Variants in GTF2F2 observed in about 807,000 individuals in gnomAD.
The protein encoded by GTF2F2 is general transcription factor IIF subunit 2.
A neutral mutation model predicts 42.2 loss-of-function variants in GTF2F2; 23 were observed. The ratio of observed to expected loss-of-function variants is 0.55; its 90% CI spans 0.39 to 0.77. GTF2F2 has a LOEUF of 0.77. GTF2F2 is among the 30% of genes least tolerant of loss of function. The pLI, the probability that GTF2F2 is intolerant of heterozygous loss-of-function variation, is 0.00. For synonymous variants in GTF2F2, 105 were observed against 100.8 expected (o/e 1.04, Z -0.25); for missense variants, 261 against 287.2 (o/e 0.91, Z 0.66).
rs151196378 is a variant in GTF2F2, at chr13:45,161,504, G to A, written c.304+9673G>A. On this transcript the variant is annotated intron_variant, in intron 4 of 7. Coordinates refer to ENST00000340473, the MANE Select transcript of GTF2F2 (RefSeq NM_004128.3). ...AGTGCTTCTTAGGGGAACCTCATGC[G>A]TAACACTGAATTGCATGCCTGTTTC... Among the ~76,000 whole-genome samples the A allele has an allele frequency of 7.2e-5, 11 of 152,230 alleles. No homozygotes were observed. The East Asian group carries it at 9.6e-4, about 13-fold the overall frequency.
chr13:45,232,847 G>C (rs528102064), intron 5 of GTF2F2, among the ~76,000 whole-genome samples: 1 of 152,230 alleles, frequency 6.6e-6, no homozygotes, highest in African/African-American at 2.4e-5. Flanking sequence ...CATAGTGTAA[G>C]TGTGTACTTT....
At position 45,259,647 on chromosome 13, in the gene GTF2F2, C is replaced by CTTT. The variant is rs1172870085; in HGVS notation, c.486+6701_486+6703dup. On this transcript the variant is annotated intron_variant, in intron 6 of 7. Coordinates refer to ENST00000340473, the MANE Select transcript of GTF2F2 (RefSeq NM_004128.3). ...AAACCTCTTTCTCGCAAACCTAGAA[C>CTTT]TTTTTTTTTTTTTTTTTTTTTTTTT... 5.3e-4 allele frequency among the ~76,000 whole-genome samples: 38 copies of CTTT among 72,262 alleles called. 1 individual carries two copies. The East Asian group carries it at 9.3e-3, about 18-fold the overall frequency. 47.4% of individuals were successfully genotyped at this position (72,262 alleles called of 152,430 possible). A position where few individuals can be genotyped will look rare whatever the true frequency, so the allele number is the denominator to read the frequency against.
rs77478483 is a variant in GTF2F2 at position 45,195,059 on chromosome 13, A to G, written c.305-12365A>G. Among the ~76,000 whole-genome samples the G allele has an allele frequency of 3.2e-4, 49 of 152,334 alleles. 1 individual carries two copies. The East Asian group carries it at 9.5e-3, about 29-fold the overall frequency. ...TTTAAAGTAAATTTAAGTAGGAAAC[A>G]TAAGGTGAAAATTCTAGGTGTATAC... On this transcript the variant is annotated intron_variant, in intron 4 of 7. Transcript: ENST00000340473.
chr13:45,198,964 C>G (rs1162753352), intron 4 of GTF2F2, among the ~76,000 whole-genome samples: 4 of 152,132 alleles, frequency 2.6e-5, no homozygotes, highest in African/African-American at 9.7e-5. Context: ...TTTTGAGTGT[C>G]CAAATTTTAG....
intron 1 of GTF2F2, among the ~76,000 whole-genome samples, chr13:45,121,052 G>A (rs566749464): frequency 9.9e-5 from 15 of 152,264 alleles, no homozygotes; most frequent in Admixed American, 3.3e-4. Flanking sequence ...TCTTCCCTTG[G>A]TGAAACTGGT....
chr13:45,181,202 A>ACAC (rs1872151996), intron 4 of GTF2F2, among the ~76,000 whole-genome samples: 1 of 141,892 alleles, frequency 7.0e-6, no homozygotes, highest in Non-Finnish European at 1.5e-5. Context: ...AAAAAAAAAA[A>ACAC]ACCAGAAAAA....
chr13:45,246,229 T>C (rs1374353722), intron 5 of GTF2F2, among the ~76,000 whole-genome samples: 1 of 151,898 alleles, frequency 6.6e-6, no homozygotes, highest in South Asian at 2.1e-4. Context: ...TCCAGGATGG[T>C]CTCGATCTCC....
chr13:45,235,446 T>A (rs554094052), intron 5 of GTF2F2, among the ~76,000 whole-genome samples: 1 of 152,116 alleles, frequency 6.6e-6, no homozygotes, highest in East Asian at 1.9e-4. Context: ...TCTGACTTCT[T>A]AAGGACATAT....
intron 5 of GTF2F2, among the ~76,000 whole-genome samples, chr13:45,216,912 C>T (rs1480846261): frequency 1.3e-5 from 2 of 152,096 alleles, no homozygotes; most frequent in Non-Finnish European, 2.9e-5. Context: ...CTCAGGTGTG[C>T]ACCATATCAA....
intron 7 of GTF2F2, among the ~76,000 whole-genome samples, chr13:45,268,601 AT>A (rs889999442): frequency 2.6e-5 from 4 of 152,038 alleles, no homozygotes; most frequent in South Asian, 2.1e-4. Flanking sequence ...TAGATTAAAA[AT>A]TTTTTTTGAA....
intron 4 of GTF2F2, among the ~76,000 whole-genome samples, chr13:45,200,341 G>T (rs890150554): frequency 6.6e-6 from 1 of 151,994 alleles, no homozygotes; most frequent in Non-Finnish European, 1.5e-5. Context: ...TTTATTTTTT[G>T]ATACAGGGTC....
intron 4 of GTF2F2, among the ~76,000 whole-genome samples, chr13:45,170,895 A>C (rs933570990): frequency 6.6e-6 from 1 of 152,092 alleles, no homozygotes; most frequent in African/African-American, 2.4e-5. Flanking sequence ...GATCTGTCAT[A>C]CTGGGAGGGT....
chr13:45,135,678 T>A (rs1057507293), intron 1 of GTF2F2, among the ~76,000 whole-genome samples: 20 of 152,226 alleles, frequency 1.3e-4, no homozygotes, highest in Non-Finnish European at 2.6e-4. Context: ...TTTATTTGAC[T>A]AGTGGTCAAG....
At chr13:45,264,634 A>G (rs544197999) in intron 6 of GTF2F2, among the ~76,000 whole-genome samples, 1 of 152,270 alleles carries the variant, frequency 6.6e-6, no homozygotes, top group South Asian at 2.1e-4. Context: ...AATGTTACTA[A>G]TTACAACTTA....
At chr13:45,264,136 A>G (rs1216640360) in intron 6 of GTF2F2, among the ~76,000 whole-genome samples, 1 of 152,222 alleles carries the variant, frequency 6.6e-6, no homozygotes, top group East Asian at 1.9e-4. Context: ...TAAACCAGTG[A>G]TATACATGTT....
chr13:45,202,758 G>C (rs1204305802), intron 4 of GTF2F2, among the ~76,000 whole-genome samples: 1 of 151,872 alleles, frequency 6.6e-6, no homozygotes, highest in Admixed American at 6.6e-5. Context: ...TTCAAGACCT[G>C]CCTGGTTACC....
intron 4 of GTF2F2, chr13:45,194,586 C>G (rs1402191350): frequency 6.3e-7 from 1 of 1,593,962 alleles, no homozygotes; most frequent in South Asian, 1.1e-5. Flanking sequence ...GATGCTATTT[C>G]AGCTTGTTCT....
intron 4 of GTF2F2, among the ~76,000 whole-genome samples, chr13:45,190,004 A>G (rs1872561918): frequency 6.6e-6 from 1 of 152,198 alleles, no homozygotes; most frequent in African/African-American, 2.4e-5. Flanking sequence ...AAAATAGACA[A>G]ATGGGATCTA....
At chr13:45,235,041 CAAAAAAAAAA>C (rs61077504) in intron 5 of GTF2F2, among the ~76,000 whole-genome samples, 1 of 43,702 alleles carries the variant, frequency 2.3e-5, no homozygotes, top group Non-Finnish European at 4.2e-5. Flanking sequence ...GCGGGAAACT[CAAAAAAAAAA>C]AAAAAAAAAA....
Sources: allele counts gnomAD v4.1 joint callset (sites outside exome capture counted in the v4.1 genomes callset), GRCh38; gene constraint gnomAD v4.1.1; transcripts MANE v1.5; gene names NCBI Gene and HGNC (gene_info 2026-07-23, HGNC 2026-07-21).